Variants in SH3RF2 observed in about 807,000 individuals in gnomAD.
The protein encoded by SH3RF2 is SH3 domain containing ring finger 2.
SH3RF2 carries 43 observed loss-of-function variants against 59.0 expected under a neutral mutation model. That is an observed-to-expected ratio of 0.73 (90% CI 0.57 to 0.94). The LOEUF (loss-of-function observed/expected upper bound fraction) is 0.94, where lower values mean the gene tolerates loss of function less well. SH3RF2 is among the 40% of genes least tolerant of loss of function. The pLI, the probability that SH3RF2 is intolerant of heterozygous loss-of-function variation, is 0.00. For missense variants in SH3RF2, 930 were observed against 940.1 expected, an observed-to-expected ratio of 0.99 and a Z score of 0.14; for synonymous variants, 391 against 391.5, an observed-to-expected ratio of 1.00 and a Z score of 0.01.
downstream of SH3RF2, among the ~76,000 whole-genome samples, chr5:146,064,864 G>GAAAGAA (rs59357428): frequency 0.2 from 13,804 of 68,742 alleles, 4,047 homozygotes; most frequent in South Asian, 0.27. Context: ...AAGAAAGAAA[G>GAAAGAA]AGAAAGAAAA....
rs544815556 is a variant in SH3RF2 at position 145,977,246 on chromosome 5, T to C, written c.379-22812T>C. ...CAAGACAAGGTAAGCTATTGTCGCT[T>C]ATCATCTACACTTTGTTCTGACATA... On this transcript the variant is annotated intron_variant, in intron 2 of 9. Transcript: ENST00000359120. Among the ~76,000 whole-genome samples, 265 of 152,308 alleles carry C rather than the reference T, an allele frequency of 1.7e-3. 1 individual carries two copies. The highest frequency in any genetic ancestry group is 6.1e-3 in the African/African-American group (253 of 41,562).
At position 145,985,746 on chromosome 5, in the gene SH3RF2, C is replaced by T. The variant is rs531443857; in HGVS notation, c.379-14312C>T. ...AAAAGCTCTGGGTCTGGTACAGTGG[C>T]TCATGCCTATAATCCCAGTACTTTG... On this transcript the variant is annotated intron_variant, in intron 2 of 9. Transcript: ENST00000359120. 3.5e-4 allele frequency among the ~76,000 whole-genome samples: 54 copies of T among 152,250 alleles called. No homozygotes were observed. The East Asian group carries it at 0.01, about 29-fold the overall frequency.
intron 2 of SH3RF2, among the ~76,000 whole-genome samples, chr5:145,996,093 C>A (rs934941945): frequency 4.6e-5 from 7 of 152,190 alleles, no homozygotes; most frequent in Admixed American, 1.3e-4. Flanking sequence ...TATCTGGGGA[C>A]CAGCAGAAAA....
intron 3 of SH3RF2, among the ~76,000 whole-genome samples, chr5:146,001,840 G>A (rs1251393512): frequency 6.6e-6 from 1 of 152,158 alleles, no homozygotes; most frequent in African/African-American, 2.4e-5. Context: ...CCAAAAGAGA[G>A]GATTTGACCC....
At chr5:145,974,660 A>G (rs1759216095) in intron 2 of SH3RF2, among the ~76,000 whole-genome samples, 1 of 152,246 alleles carries the variant, frequency 6.6e-6, no homozygotes, top group Admixed American at 6.5e-5. Flanking sequence ...ACTAGAATTC[A>G]GAGACGTGAA....
At position 145,971,825 on chromosome 5, in the gene SH3RF2, A is replaced by G. The variant is rs998427003; in HGVS notation, c.379-28233A>G. Among the ~76,000 whole-genome samples the G allele has an allele frequency of 2.7e-4, 41 of 152,196 alleles. 1 individual carries two copies. Among genetic ancestry groups the G allele is most frequent in the Admixed American group, 9.2e-4 (14 of 15,280 alleles). ...TAAGATGAAGCCCCAAGGTTAAAGC[A>G]TAAGGTGAAACATGAGGCTTGGAAT... On this transcript the variant is annotated intron_variant, in intron 2 of 9. Coordinates refer to ENST00000359120, the MANE Select transcript of SH3RF2 (RefSeq NM_152550.4).
At chr5:145,945,571 A>G (rs1757977965) in intron 2 of SH3RF2, among the ~76,000 whole-genome samples, 1 of 152,170 alleles carries the variant, frequency 6.6e-6, no homozygotes, top group African/African-American at 2.4e-5. Flanking sequence ...CAGGAAGTGT[A>G]TGGTCAAGGG....
intron 7 of SH3RF2, among the ~76,000 whole-genome samples, chr5:146,049,900 A>G (rs1048631141): frequency 1.3e-5 from 2 of 152,004 alleles, no homozygotes; most frequent in African/African-American, 4.8e-5. Flanking sequence ...CCCCAAAACT[A>G]TCCATGACTC....
intron 7 of SH3RF2, among the ~76,000 whole-genome samples, chr5:146,055,064 G>A (rs1293946994): frequency 2.0e-5 from 3 of 152,210 alleles, no homozygotes; most frequent in African/African-American, 7.2e-5. Context: ...AGGGATTGTT[G>A]TTTCATAAAA....
chr5:146,075,270 G>A (rs1763318673), intron 9 of SH3RF2, among the ~76,000 whole-genome samples: 1 of 152,210 alleles, frequency 6.6e-6, no homozygotes, highest in Admixed American at 6.5e-5. Flanking sequence ...AACAATTATA[G>A]AGCACCTGCT....
chr5:146,003,924 A>C, intron 3 of SH3RF2, 134 bp from the exon 4 acceptor site: 2 of 570,638 alleles, frequency 3.5e-6, no homozygotes, highest in Non-Finnish European at 5.8e-6. Context: ...TAGCAAAAAG[A>C]CTTCCCAAAT....
intron 2 of SH3RF2, among the ~76,000 whole-genome samples, chr5:145,985,648 T>C (rs1759669760): frequency 6.6e-6 from 1 of 152,212 alleles, no homozygotes; most frequent in Non-Finnish European, 1.5e-5. Flanking sequence ...GCCAATTTGG[T>C]TTCATCTCAC....
At chr5:146,061,023 C>T (rs759197546) in intron 9 of SH3RF2, among the ~76,000 whole-genome samples, 6 of 152,224 alleles carry the variant, frequency 3.9e-5, no homozygotes, top group Non-Finnish European at 7.3e-5. Flanking sequence ...TCCATCACCA[C>T]CGCCATCAGC....
intron 9 of SH3RF2, among the ~76,000 whole-genome samples, chr5:146,060,668 C>T (rs957684394): frequency 3.9e-5 from 6 of 152,094 alleles, no homozygotes; most frequent in African/African-American, 1.4e-4. Context: ...GGAGATTAAA[C>T]GAGATATGTG....
intron 9 of SH3RF2, among the ~76,000 whole-genome samples, chr5:146,076,200 TGTC>T (rs1763339493): frequency 6.6e-6 from 1 of 152,116 alleles, no homozygotes; most frequent in Non-Finnish European, 1.5e-5. Flanking sequence ...TCACAATAAA[TGTC>T]GTTAAAAAGA....
rs144923884 is a variant in SH3RF2 at position 145,949,191 on chromosome 5, T to A, written c.378+10885T>A. Among the ~76,000 whole-genome samples, 1,072 of 152,102 alleles carry A rather than the reference T, an allele frequency of 7.0e-3. 3 individuals are homozygous for A. Among genetic ancestry groups the A allele is most frequent in the Middle Eastern group, 0.027 (8 of 294 alleles). On this transcript the variant is annotated intron_variant, in intron 2 of 9. Coordinates refer to ENST00000359120, the MANE Select transcript of SH3RF2 (RefSeq NM_152550.4). ...GTGCTTGCAGGGGATTCGGAGGTAATTGGGAGGTGAAAAAAGAAGTCAAAC... is the reference window on the plus strand; with the variant it reads ...GTGCTTGCAGGGGATTCGGAGGTAAATGGGAGGTGAAAAAAGAAGTCAAAC...
At chr5:146,022,718 CAAA>C (rs1462016868) in intron 5 of SH3RF2, among the ~76,000 whole-genome samples, 2 of 151,832 alleles carry the variant, frequency 1.3e-5, no homozygotes, top group Admixed American at 1.3e-4. Flanking sequence ...ACTAAAAATA[CAAA>C]AATTAGCCAG....
At position 146,031,166 on chromosome 5, in the gene SH3RF2, A is replaced by G. The variant is rs1201721796; in HGVS notation, c.1060-16606A>G. The stretch of plus-strand genomic sequence containing the variant: ...AGGACACCATCCCATCTGCACTTCC[A>G]AACAATTGACATATGCCCCCAGGTT... On this transcript the variant is annotated intron_variant, in intron 5 of 9. Transcript: ENST00000359120. Among the ~76,000 whole-genome samples the G allele has an allele frequency of 6.4e-4, 98 of 152,282 alleles. 3 individuals carry two copies. Among genetic ancestry groups the G allele is most frequent in the Non-Finnish European group, 4.4e-5 (3 of 68,026 alleles).
intron 2 of SH3RF2, among the ~76,000 whole-genome samples, chr5:145,949,973 G>A (rs761991086): frequency 5.3e-5 from 8 of 152,248 alleles, no homozygotes; most frequent in Non-Finnish European, 1.2e-4. Flanking sequence ...CTATCCCAAA[G>A]CCTGGAGAAT....
Sources: gnomAD v4.1 joint callset for allele counts (sites outside exome capture counted in the v4.1 genomes callset) on GRCh38, gnomAD v4.1.1 for gene constraint, MANE v1.5 for transcripts, NCBI Gene and HGNC (gene_info 2026-07-23, HGNC 2026-07-21) for gene names.